Variants in CDO1 observed in about 807,000 individuals in gnomAD.
CDO1 encodes cysteine dioxygenase, type I.
A neutral mutation model predicts 24.5 loss-of-function variants in CDO1; 19 were observed. The observed-to-expected ratio is 0.77, with a 90% CI of 0.54 to 1.14. The LOEUF is 1.14. Ranked by LOEUF, CDO1 falls within the 50% of genes most tolerant of loss-of-function variation. The pLI is 0.00. For missense variants in CDO1, 244 were observed against 244.8 expected, an observed-to-expected ratio of 1.00 and a Z score of 0.02; for synonymous variants, 91 against 87.0, an observed-to-expected ratio of 1.05 and a Z score of -0.26.
At chr5:115,808,138 C>T (rs1311264258) in intron 3 of CDO1, among the ~76,000 whole-genome samples, 1 of 152,060 alleles carries the variant, frequency 6.6e-6, no homozygotes, top group Non-Finnish European at 1.5e-5. Flanking sequence ...GCCACCATGC[C>T]CAGCTAATTT....
chr5:115,810,705 ACTGG>A (rs1760150303), intron 3 of CDO1, among the ~76,000 whole-genome samples: 2 of 152,222 alleles, frequency 1.3e-5, no homozygotes, highest in Non-Finnish European at 2.9e-5. Context: ...TGTATAAATC[ACTGG>A]CCAATAACGT....
In CDO1 at chr5:115,805,261, C is replaced by G; in HGVS notation, c.*172G>C. On this transcript the variant is annotated 3_prime_UTR_variant, in exon 5 of 5. Transcript: ENST00000250535. ...CAGTGGGACTTTTCTTCTGCAGTAG[C>G]TGAGGGCACTATTTGCTTACTTAAT... The G allele has an allele frequency of 5.6e-6, 3 of 536,474 alleles. No homozygotes were observed. Among genetic ancestry groups the G allele is most frequent in the Non-Finnish European group, 9.9e-6 (3 of 301,526 alleles). The allele number at this position is 536,474 out of a possible 1,614,324, so 33.2% of individuals were successfully genotyped here. A position where few individuals can be genotyped will look rare whatever the true frequency, so the allele number is the denominator to read the frequency against.
chr5:115,812,784 A>C (rs1349383594), intron 2 of CDO1, among the ~76,000 whole-genome samples: 1 of 152,166 alleles, frequency 6.6e-6, no homozygotes, highest in African/African-American at 2.4e-5. Flanking sequence ...GTGGTGGCTC[A>C]TACCTGTAAT....
intron 4 of CDO1, 54 bp from the exon 5 acceptor site, chr5:115,805,516 T>C: frequency 6.6e-7 from 1 of 1,521,632 alleles, no homozygotes; most frequent in South Asian, 1.1e-5. Context: ...AAAAGACATT[T>C]TAACTCCTTC....
At chr5:115,815,899 G>T (rs1051749351) in intron 1 of CDO1, among the ~76,000 whole-genome samples, 5 of 152,242 alleles carry the variant, frequency 3.3e-5, no homozygotes, top group Admixed American at 6.5e-5. Context: ...GGGGCAGGAG[G>T]ACTGGTGGTT....
rs1759866629 is a variant in CDO1, at chr5:115,804,856, C to G, written c.*577G>C. 6.6e-6 allele frequency: 1 copy of G among 152,160 alleles called. No individual in the cohort carries two copies. The highest frequency in any genetic ancestry group is 6.5e-5 in the Admixed American group (1 of 15,268). The allele number at this position is 152,160 out of a possible 1,614,324, so 9.4% of individuals were successfully genotyped here. On this transcript the variant is annotated 3_prime_UTR_variant, in exon 5 of 5. Coordinates refer to ENST00000250535, the MANE Select transcript of CDO1 (RefSeq NM_001801.3). ...TTTGTTGTGGTCTGGGGATCATGTACTTTTCTAAATCCTCTGCACTTCCTT... is the reference window on the plus strand; with the variant it reads ...TTTGTTGTGGTCTGGGGATCATGTAGTTTTCTAAATCCTCTGCACTTCCTT...
intron 4 of CDO1, among the ~76,000 whole-genome samples, chr5:115,805,998 C>T (rs1331435248): frequency 6.6e-6 from 1 of 152,150 alleles, no homozygotes; most frequent in Non-Finnish European, 1.5e-5. Flanking sequence ...ATAACCTTTA[C>T]AAAGGTTAAT....
At position 115,806,412 on chromosome 5, in the gene CDO1, T is replaced by C. The variant is rs371359579; in HGVS notation, c.510A>G (p.Arg170=). The change falls in exon 4 of 5, where the codon AGA becomes AGG. Residue 170 remains arginine, a synonymous_variant. Coordinates refer to ENST00000250535, the MANE Select transcript of CDO1 (RefSeq NM_001801.3). ...PFDTCHAFDQ[R]TGHKNKVTMT... is the part of the protein sequence containing the mutation. ...TTGTGACTTTGTTTTTATGTCCTGTTCTTTGATCAAAGGCATGGCATGTAT... is the reference window on the plus strand; with the variant it reads ...TTGTGACTTTGTTTTTATGTCCTGTCCTTTGATCAAAGGCATGGCATGTAT... 6.2e-7 allele frequency: 1 copy of C among 1,612,078 alleles called. No individual in the cohort carries two copies. Among genetic ancestry groups the C allele is most frequent in the African/African-American group, 1.3e-5 (1 of 74,850 alleles).
At chr5:115,815,408 G>T (rs901170802) in intron 1 of CDO1, among the ~76,000 whole-genome samples, 4 of 152,052 alleles carry the variant, frequency 2.6e-5, no homozygotes, top group African/African-American at 7.3e-5. Flanking sequence ...TGGGAAGTAG[G>T]GGTCTTTAAT....
rs191206681 is a variant in CDO1 at position 115,809,655 on chromosome 5, C to G, written c.403+1506G>C. ...GTGCTCTTCCTTGTACTTGCAACAT[C>G]CTTCCCCCTGATCACTATCCATCTC... On this transcript the variant is annotated intron_variant, in intron 3 of 4. Transcript: ENST00000250535. The G allele has an allele frequency of 1.1e-4, 16 of 152,360 alleles. 1 individual carries two copies. Among genetic ancestry groups the G allele is most frequent in the Admixed American group, 9.8e-4 (15 of 15,304 alleles). The allele number at this position is 152,360 out of a possible 1,614,324, so 9.4% of individuals were successfully genotyped here.
At chr5:115,810,280 T>C (rs151024637) in intron 3 of CDO1, among the ~76,000 whole-genome samples, 23 of 152,278 alleles carry the variant, frequency 1.5e-4, no homozygotes, top group African/African-American at 5.3e-4. Context: ...CCCATACAAT[T>C]TGATCTTTGC....
At chr5:115,809,637 T>C (rs1760101353) in intron 3 of CDO1, 1 of 152,244 alleles carries the variant, frequency 6.6e-6, no homozygotes, top group African/African-American at 2.4e-5. Flanking sequence ...CTTGTGCTCT[T>C]CCTTGTACTT....
chr5:115,810,149 T>A (rs573326598), intron 3 of CDO1, among the ~76,000 whole-genome samples: 2 of 152,294 alleles, frequency 1.3e-5, no homozygotes, highest in South Asian at 4.1e-4. Flanking sequence ...ACAACAGAAT[T>A]TTCTTGGAAA....
rs757289307 is a variant in CDO1 at position 115,811,299 on chromosome 5, T to C, written c.265A>G (p.Thr89Ala). Reference protein sequence around the residue: ...EGHGSSIHDHTNSHCFLKMLQ... With the variant: ...EGHGSSIHDHANSHCFLKMLQ... ...ATCTTCAGAAAGCAGTGGGAGTTGG[T>C]ATGATCATGAATACTGCTATATGTA... The change falls in exon 3 of 5, where the codon ACC becomes GCC. Residue 89 changes from threonine (T) to alanine (A), a missense_variant. By Grantham distance (58) the Thr-to-Ala change is moderately conservative (BLOSUM62 0). Transcript: ENST00000250535. 16 of 1,612,854 alleles carry C rather than the reference T, an allele frequency of 9.9e-6. No individual in the cohort carries two copies. The South Asian group carries it at 1.1e-4, about 11-fold the overall frequency.
intron 3 of CDO1, among the ~76,000 whole-genome samples, chr5:115,810,952 A>T (rs2112686382): frequency 6.6e-6 from 1 of 152,302 alleles, no homozygotes; most frequent in East Asian, 1.9e-4. Context: ...GTGGATACTG[A>T]TCTGCATGCA....
At chr5:115,809,280 T>C (rs1016862758) in intron 3 of CDO1, among the ~76,000 whole-genome samples, 2 of 152,180 alleles carry the variant, frequency 1.3e-5, no homozygotes, top group Non-Finnish European at 2.9e-5. Flanking sequence ...ATGGTCATGG[T>C]GTACCCTCTG....
chr5:115,806,553 G>T (rs1422169250), intron 3 of CDO1, 35 bp from the exon 4 acceptor site: 3 of 1,550,110 alleles, frequency 1.9e-6, no homozygotes, highest in Admixed American at 3.8e-5. Context: ...ATAGATAAAG[G>T]AGCCTAGATA....
In CDO1 at chr5:115,813,241, A is replaced by G; in HGVS notation, c.188T>C (p.Val63Ala). ...ATTAAATTTTCCATTTCCTTGATCC[A>G]CAAGATTTCGGGTATACCTAAAAAA... ...FDQYRYTRNLVDQGNGKFNLM... is the reference protein window; with the variant it reads ...FDQYRYTRNLADQGNGKFNLM... The change falls in exon 2 of 5, where the codon GTG (valine) becomes GCG (alanine). Residue 63 changes from valine to alanine, a missense_variant. Coordinates refer to ENST00000250535, the MANE Select transcript of CDO1 (RefSeq NM_001801.3). 6.3e-7 allele frequency: 1 copy of G among 1,596,952 alleles called. No homozygotes were observed. Among genetic ancestry groups the G allele is most frequent in the Non-Finnish European group, 8.6e-7 (1 of 1,164,788 alleles).
Position 115,812,783 on chromosome 5 carries a change from C to T in CDO1, c.248+398G>A, listed in dbSNP as rs1434470577. 2.0e-5 allele frequency among the ~76,000 whole-genome samples: 3 copies of T among 152,080 alleles called. No individual in the cohort carries two copies. In the East Asian group the frequency reaches 5.8e-4, roughly 29 times the overall value. ...AAAATGAGGGCTGGGTGTGGTGGCT[C>T]ATACCTGTAATCCCAGCACTTTGGG... On this transcript the variant is annotated intron_variant, in intron 2 of 4. Coordinates refer to ENST00000250535, the MANE Select transcript of CDO1 (RefSeq NM_001801.3).
Sources: gnomAD v4.1 joint callset for allele counts (sites outside exome capture counted in the v4.1 genomes callset) on GRCh38, gnomAD v4.1.1 for gene constraint, MANE v1.5 for transcripts, NCBI Gene and HGNC (gene_info 2026-07-23, HGNC 2026-07-21) for gene names.